Variants in MORN1 observed in about 807,000 individuals in gnomAD.
MORN1 encodes MORN repeat-containing protein 1.
In MORN1, 67 loss-of-function variants were observed where a neutral mutation model predicts 61.9. The ratio of observed to expected loss-of-function variants is 1.08; its 90% CI spans 0.89 to 1.33. The LOEUF (loss-of-function observed/expected upper bound fraction) is 1.33. MORN1 is among the 40% of genes most tolerant of loss of function. The pLI is 0.00. For synonymous variants in MORN1, 301 were observed against 292.0 expected (o/e 1.03, Z -0.31); for missense variants, 752 against 691.2 (o/e 1.09, Z -0.99).
chr1:2,365,676 A>G (rs1187948609), intron 8 of MORN1, among the ~76,000 whole-genome samples: 1 of 152,166 alleles, frequency 6.6e-6, no homozygotes, highest in African/African-American at 2.4e-5. Context: ...CCCATTCAGT[A>G]TGATATTGGC....
intron 10 of MORN1, among the ~76,000 whole-genome samples, chr1:2,340,248 C>T (rs1277873806): frequency 1.3e-5 from 2 of 152,152 alleles, no homozygotes; most frequent in Non-Finnish European, 2.9e-5. Flanking sequence ...ACACAAGCAC[C>T]ACGTTCAGCC....
At chr1:2,388,930 G>A (rs1642572979) in intron 2 of MORN1, among the ~76,000 whole-genome samples, 1 of 151,960 alleles carries the variant, frequency 6.6e-6, no homozygotes, top group African/African-American at 2.4e-5. Flanking sequence ...AGGCCAACAT[G>A]GCAAAACTGC....
intron 8 of MORN1, among the ~76,000 whole-genome samples, chr1:2,360,156 G>A (rs182259117): frequency 5.9e-5 from 9 of 152,318 alleles, no homozygotes; most frequent in East Asian, 1.9e-4. Context: ...CTGGTCATGC[G>A]GACTCTGAGG....
At chr1:2,382,805 T>A (rs1266390461) in intron 6 of MORN1, among the ~76,000 whole-genome samples, 1 of 152,194 alleles carries the variant, frequency 6.6e-6, no homozygotes, top group African/African-American at 2.4e-5. Flanking sequence ...GACGCTGACA[T>A]GGGCTCCCGT....
intron 12 of MORN1, among the ~76,000 whole-genome samples, chr1:2,325,110 T>A (rs190715309): frequency 2.2e-5 from 1 of 45,930 alleles, no homozygotes; most frequent in Admixed American, 1.9e-4. Flanking sequence ...TCCCCTTTCC[T>A]TCCCTTCCTT....
chr1:2,378,812 GGA>G, intron 6 of MORN1: 1 of 413,950 alleles, frequency 2.4e-6, no homozygotes, highest in Non-Finnish European at 4.8e-6. Context: ...CTGTAAACTA[GGA>G]GTGTGGGGGA....
intron 13 of MORN1, chr1:2,323,112 A>ATTCC: frequency 6.1e-6 from 6 of 985,422 alleles, no homozygotes; most frequent in Non-Finnish European, 6.0e-6. Context: ...CACTGCAGAG[A>ATTCC]TGTCCCCGCC....
chr1:2,335,834 A>AGCCCAGCCCAGCCCAGCCCGGCCCG (rs1553208759), intron 12 of MORN1, among the ~76,000 whole-genome samples: 16 of 143,018 alleles, frequency 1.1e-4, no homozygotes, highest in African/African-American at 4.8e-4. Context: ...TCCATAGCCC[A>AGCCCAGCCCAGCCCAGCCCGGCCCG]GCCCAGCCCA....
intron 8 of MORN1, among the ~76,000 whole-genome samples, chr1:2,370,676 T>C (rs1284684827): frequency 6.4e-5 from 2 of 31,422 alleles, no homozygotes; most frequent in East Asian, 7.6e-3. Context: ...TTTTTCTTCT[T>C]TTTTTTTTTT....
chr1:2,386,060 C>A, intron 4 of MORN1, 163 bp from the exon 5 acceptor site: 1 of 632,926 alleles, frequency 1.6e-6, no homozygotes. Context: ...CCAGACCTGG[C>A]TACACAGAGG....
chr1:2,385,238 G>C (rs1335889474), intron 5 of MORN1, 173 bp from the exon 6 acceptor site: 1 of 645,926 alleles, frequency 1.5e-6, no homozygotes, highest in Admixed American at 2.8e-5. Context: ...GGGGGCCGAC[G>C]ACAGGCGGTG....
At position 2,390,006 on chromosome 1, in the gene MORN1, G is replaced by A. The variant is rs1420102193; in HGVS notation, c.77-10C>T. 6.2e-7 allele frequency: 1 copy of A among 1,609,340 alleles called. No individual in the cohort carries two copies. Among genetic ancestry groups the A allele is most frequent in the Non-Finnish European group, 8.5e-7 (1 of 1,175,740 alleles). On this transcript the variant is annotated splice_polypyrimidine_tract_variant and intron_variant, in intron 1 of 13. Transcript: ENST00000378531. ...ACGTAGACACCATAACCTGAGTATT[G>A]AGAAGACACACACAGGTAAGCACAG... is the stretch of plus-strand genomic sequence containing the variant.
intron 10 of MORN1, among the ~76,000 whole-genome samples, chr1:2,356,028 G>C (rs1641755520): frequency 6.6e-6 from 1 of 152,224 alleles, no homozygotes; most frequent in African/African-American, 2.4e-5. Context: ...CCAGGGGCCT[G>C]GAGGGTTGGA....
intron 5 of MORN1, 144 bp downstream of exon 5, chr1:2,385,663 G>C (rs1009632838): frequency 5.9e-6 from 4 of 680,228 alleles, no homozygotes; most frequent in Admixed American, 4.6e-5. Context: ...CTTGGCACTG[G>C]GGGGGTGGCG....
At chr1:2,347,631 G>A (rs753856742) in intron 10 of MORN1, among the ~76,000 whole-genome samples, 82 of 152,240 alleles carry the variant, frequency 5.4e-4, no homozygotes, top group Non-Finnish European at 9.1e-4. Flanking sequence ...CAGGGGGGAC[G>A]GGGCCACGCA....
chr1:2,358,290 C>T (rs191392338), intron 9 of MORN1, among the ~76,000 whole-genome samples: 196 of 152,228 alleles, frequency 1.3e-3, no homozygotes, highest in African/African-American at 4.4e-3. Context: ...ACCCGAGGGC[C>T]GGAGTCCTGA....
intron 8 of MORN1, among the ~76,000 whole-genome samples, chr1:2,369,354 A>AG (rs1390815421): frequency 2.4e-5 from 3 of 124,174 alleles, no homozygotes; most frequent in Non-Finnish European, 5.5e-5. Context: ...ACTCAGTCTC[A>AG]GAAAAAAAAA....
At chr1:2,358,225 T>C (rs927759916) in intron 9 of MORN1, among the ~76,000 whole-genome samples, 1 of 152,082 alleles carries the variant, frequency 6.6e-6, no homozygotes, top group Non-Finnish European at 1.5e-5. Flanking sequence ...ACTCCCCTCC[T>C]GGCTGCACCA....
chr1:2,387,589 C>A (rs957539729), intron 3 of MORN1, 60 bp from the exon 4 acceptor site: 6 of 1,242,096 alleles, frequency 4.8e-6, no homozygotes, highest in South Asian at 3.6e-5. Flanking sequence ...CGGCCCCAGT[C>A]GGCTCTCCTC....
Sources: allele counts gnomAD v4.1 joint callset (sites outside exome capture counted in the v4.1 genomes callset), GRCh38; gene constraint gnomAD v4.1.1; transcripts MANE v1.5; gene names NCBI Gene and HGNC (gene_info 2026-07-23, HGNC 2026-07-21).